The following ATP11A variants were observed in gnomAD, a reference collection of about 807,000 sequenced individuals.
The protein encoded by ATP11A is phospholipid-transporting ATPase IH.
Under a neutral mutation model 154.4 loss-of-function variants are expected in ATP11A, and 81 were observed. That is an observed-to-expected ratio of 0.52 (90% confidence interval 0.44 to 0.63). The LOEUF is 0.63. Among genes scored for constraint, ATP11A ranks in the 30% least tolerant of loss-of-function variants. The probability of loss-of-function intolerance (pLI) is 0.00; values close to 1 mark genes in which losing one functional copy is unlikely to be tolerated. For missense variants in ATP11A, 1,316 were observed against 1,474.3 expected (o/e 0.89, Z 1.76); for synonymous variants, 623 against 585.9 (o/e 1.06, Z -0.91).
chr13:112,834,325 A>G lies in ATP11A; in HGVS notation c.1560-264A>G, dbSNP rs964212209. Among the ~76,000 whole-genome samples the G allele has an allele frequency of 7.9e-5, 12 of 152,366 alleles. No homozygotes were observed. In the East Asian group the frequency reaches 9.7e-4, roughly 12 times the overall value. On this transcript the variant is annotated intron_variant, in intron 14 of 29. Coordinates refer to ENST00000375645, the MANE Select transcript of ATP11A (RefSeq NM_015205.3). ...GCCTGCCATGCTCTTCTGGAGAACAATACTGACAAGAATGTGCCTCACTGC... is the reference window on the plus strand; with the variant it reads ...GCCTGCCATGCTCTTCTGGAGAACAGTACTGACAAGAATGTGCCTCACTGC...
rs143308865 is a variant in ATP11A, at chr13:112,712,288, G to A, written c.39+21833G>A. 7.9e-3 allele frequency among the ~76,000 whole-genome samples: 1,198 copies of A among 152,258 alleles called. 5 individuals carry two copies. Among genetic ancestry groups the A allele is most frequent in the Middle Eastern group, 0.024 (7 of 294 alleles). On this transcript the variant is annotated intron_variant, in intron 1 of 29. Coordinates refer to ENST00000375645, the MANE Select transcript of ATP11A (RefSeq NM_015205.3). The stretch of plus-strand genomic sequence containing the variant: ...GCAGCTTAATTATGCACCCAGCCCC[G>A]CATACAAAACGCTCCCTCCATGGTT...
In ATP11A at chr13:112,690,389, C is replaced by T; in HGVS notation, c.-28C>T. On this transcript the variant is annotated 5_prime_UTR_variant, in exon 1 of 30. The change creates a new upstream start codon in the 5' untranslated region. Transcript: ENST00000375645. This position sits in a 1 kb window ranked among gnomAD's most constrained non-coding sequence, Gnocchi z 5.6. ...CCGAGCCGGGCGCGGGGGCGCTGAA[C>T]GGCGGAGCGGGAGCGGCCGGAGGAG... The T allele has an allele frequency of 1.6e-6, 2 of 1,278,920 alleles. No homozygotes were observed. Among genetic ancestry groups the T allele is most frequent in the Non-Finnish European group, 2.0e-6 (2 of 1,013,224 alleles). 79.2% of individuals were successfully genotyped at this position (1,278,920 alleles called of 1,614,324 possible).
chr13:112,782,281 G>A (rs1312770089), intron 1 of ATP11A, among the ~76,000 whole-genome samples: 1 of 152,170 alleles, frequency 6.6e-6, no homozygotes, highest in Non-Finnish European at 1.5e-5. Context: ...CTGTGGCATG[G>A]GCAATGCCAC....
At chr13:112,780,264 C>A (rs909573991) in intron 1 of ATP11A, among the ~76,000 whole-genome samples, 1 of 152,154 alleles carries the variant, frequency 6.6e-6, no homozygotes. Context: ...CACCCTCCAA[C>A]CCAGAAGGTT....
intron 16 of ATP11A, among the ~76,000 whole-genome samples, chr13:112,841,690 TC>T (rs1201109483): frequency 6.6e-6 from 1 of 152,262 alleles, no homozygotes; most frequent in African/African-American, 2.4e-5. Context: ...AGCAGAACTG[TC>T]GTGGCCTTTG....
At chr13:112,773,974 C>T (rs190739977) in intron 1 of ATP11A, among the ~76,000 whole-genome samples, 4 of 152,224 alleles carry the variant, frequency 2.6e-5, no homozygotes, top group African/African-American at 4.8e-5. Context: ...ACTCACAGAG[C>T]GGTGGAAGGC....
intron 1 of ATP11A, among the ~76,000 whole-genome samples, chr13:112,706,344 GAGAC>G (rs1887136502): frequency 6.6e-6 from 1 of 152,228 alleles, no homozygotes; most frequent in Non-Finnish European, 1.5e-5. Context: ...TTGATAGTAA[GAGAC>G]AGAAAGTCAT....
chr13:112,810,668 G>T lies in ATP11A; in HGVS notation c.383G>T (p.Cys128Phe). Residue 128 changes from cysteine to phenylalanine, a missense_variant, in exon 5 of 30, where the codon TGT (cysteine) becomes TTT (phenylalanine). Cys to Phe is a radical substitution (Grantham distance 205). This residue lies in a region of ATP11A where 876 missense variants were observed against 1,006.8 expected (regional missense o/e 0.87). Coordinates refer to ENST00000375645, the MANE Select transcript of ATP11A (RefSeq NM_015205.3). ...AAAGCAGACAATGCCATGAACCAGTGTCCTGTTCATTTCATTCAGCACGGC... is the reference window on the plus strand; with the variant it reads ...AAAGCAGACAATGCCATGAACCAGTTTCCTGTTCATTTCATTCAGCACGGC... ...RHKADNAMNQCPVHFIQHGKL... is the reference protein window; with the variant it reads ...RHKADNAMNQFPVHFIQHGKL... 1 of 1,614,102 alleles carries T rather than the reference G, an allele frequency of 6.2e-7. No homozygotes were observed. The highest frequency in any genetic ancestry group is 8.5e-7 in the Non-Finnish European group (1 of 1,180,030).
intron 1 of ATP11A, among the ~76,000 whole-genome samples, chr13:112,765,410 C>T (rs2077053067): frequency 6.6e-6 from 1 of 152,246 alleles, no homozygotes; most frequent in Non-Finnish European, 1.5e-5. Flanking sequence ...CTCCTCCGGG[C>T]AGGCCCCGCC....
At chr13:112,769,558 C>G (rs1278665712) in intron 1 of ATP11A, among the ~76,000 whole-genome samples, 1 of 152,202 alleles carries the variant, frequency 6.6e-6, no homozygotes, top group African/African-American at 2.4e-5. Context: ...TATAGTTCTC[C>G]CAACTTCCCC....
At chr13:112,841,179 G>A (rs983207839) in intron 16 of ATP11A, among the ~76,000 whole-genome samples, 9 of 146,298 alleles carry the variant, frequency 6.2e-5, no homozygotes, top group African/African-American at 2.1e-4. Flanking sequence ...GAGCACCTGC[G>A]CCCAGGCACA....
At chr13:112,827,626 G>A (rs1361304336) in intron 12 of ATP11A, among the ~76,000 whole-genome samples, 1 of 152,272 alleles carries the variant, frequency 6.6e-6, no homozygotes, top group Non-Finnish European at 1.5e-5. Context: ...AGAGTGCAGG[G>A]TTGCCGGAGC....
chr13:112,834,801 G>C, intron 15 of ATP11A, 141 bp downstream of exon 15: 1 of 652,682 alleles, frequency 1.5e-6, no homozygotes, highest in Non-Finnish European at 2.7e-6. Context: ...GACACCCCAG[G>C]AATGTCACCA....
In ATP11A at chr13:112,785,690, T is replaced by G. The variant is rs538667616; in HGVS notation, c.162+433T>G. Among the ~76,000 whole-genome samples the G allele has an allele frequency of 2.6e-5, 4 of 151,962 alleles. No homozygotes were observed. Among genetic ancestry groups the G allele is most frequent in the Non-Finnish European group, 4.4e-5 (3 of 67,962 alleles). On this transcript the variant is annotated intron_variant, in intron 2 of 29. Transcript: ENST00000375645. This position sits in a 1 kb window ranked among gnomAD's most constrained non-coding sequence, Gnocchi z 4.8. ...CAAACGCAGGCTGGACAGCAAAACC[T>G]GGGGGGAAATCTTTGAGCTTGTTCA...
intron 1 of ATP11A, among the ~76,000 whole-genome samples, chr13:112,749,042 T>C (rs999989532): frequency 4.6e-5 from 7 of 152,300 alleles, no homozygotes; most frequent in Non-Finnish European, 1.0e-4. Context: ...TGCCCACAGC[T>C]GGAGTGACCT....
At chr13:112,849,325 T>C (rs1031062778) in intron 17 of ATP11A, among the ~76,000 whole-genome samples, 1 of 152,246 alleles carries the variant, frequency 6.6e-6, no homozygotes, top group Non-Finnish European at 1.5e-5. Flanking sequence ...GGCTTTGTTT[T>C]ATGTGCTGTG....
At chr13:112,765,164 G>T (rs370280770) in intron 1 of ATP11A, among the ~76,000 whole-genome samples, 1 of 107,848 alleles carries the variant, frequency 9.3e-6, no homozygotes, top group Admixed American at 9.5e-5. Context: ...CCCCCGCCCC[G>T]GCTCTGGAAG....
At chr13:112,871,640 A>G (rs2080524079) in intron 25 of ATP11A, 95 bp from the exon 26 acceptor site, 3 of 1,212,360 alleles carry the variant, frequency 2.5e-6, no homozygotes, top group Non-Finnish European at 2.4e-6. Context: ...GTTGGCACAC[A>G]AGAAAAATGA....
intron 28 of ATP11A, chr13:112,876,180 G>A: frequency 5.4e-6 from 2 of 372,132 alleles, no homozygotes; most frequent in African/African-American, 2.1e-5. Flanking sequence ...ACAAATAAGA[G>A]AAAAAAGACT....
Sources: allele counts gnomAD v4.1 joint callset (sites outside exome capture counted in the v4.1 genomes callset), GRCh38; gene constraint gnomAD v4.1.1; regional missense constraint gnomAD v4.1.1; non-coding constraint Gnocchi (gnomAD v3.1); transcripts MANE v1.5; gene names NCBI Gene and HGNC (gene_info 2026-07-23, HGNC 2026-07-21).